Variants in CDC14A observed in about 807,000 individuals in gnomAD.
The protein encoded by CDC14A is dual specificity protein phosphatase CDC14A.
A neutral mutation model predicts 74.4 loss-of-function variants in CDC14A; 53 were observed. The ratio of observed to expected loss-of-function variants is 0.71; its 90% CI spans 0.57 to 0.89. CDC14A has a LOEUF of 0.89. Ranked by LOEUF, CDC14A falls within the 40% of genes least tolerant of loss-of-function variation. The probability of loss-of-function intolerance (pLI) is 0.00; values close to 1 mark genes in which losing one functional copy is unlikely to be tolerated. For missense variants in CDC14A, 646 were observed against 713.7 expected (o/e 0.91, Z 1.08); for synonymous variants, 247 against 258.4 (o/e 0.96, Z 0.43).
At chr1:100,380,887 G>T (rs529963698) in intron 3 of CDC14A, among the ~76,000 whole-genome samples, 1 of 152,164 alleles carries the variant, frequency 6.6e-6, no homozygotes, top group Non-Finnish European at 1.5e-5. Context: ...CTTACCCTCT[G>T]GCTTGATAGC....
chr1:100,469,407 AT>A (rs1668168672), intron 10 of CDC14A, among the ~76,000 whole-genome samples: 1 of 152,136 alleles, frequency 6.6e-6, no homozygotes, highest in Admixed American at 6.5e-5. Context: ...AAAGACAGGA[AT>A]TTCTCTCTTT....
intron 4 of CDC14A, among the ~76,000 whole-genome samples, chr1:100,415,765 CTGACTT>C (rs1417108561): frequency 6.6e-6 from 1 of 152,174 alleles, no homozygotes; most frequent in African/African-American, 2.4e-5. Context: ...TGTAATCAGA[CTGACTT>C]TCCTAATTCA....
At chr1:100,470,036 G>T (rs1668237172) in intron 10 of CDC14A, among the ~76,000 whole-genome samples, 1 of 152,138 alleles carries the variant, frequency 6.6e-6, no homozygotes, top group Non-Finnish European at 1.5e-5. Flanking sequence ...CCTCCAAAAT[G>T]ATATACAGAT....
intron 7 of CDC14A, among the ~76,000 whole-genome samples, chr1:100,447,751 A>T (rs1665714799): frequency 6.6e-6 from 1 of 152,206 alleles, no homozygotes; most frequent in Non-Finnish European, 1.5e-5. Context: ...ATGCTAGTGT[A>T]GGCTGATACT....
At chr1:100,492,745 T>C (rs1364406575) in intron 11 of CDC14A, among the ~76,000 whole-genome samples, 2 of 152,194 alleles carry the variant, frequency 1.3e-5, no homozygotes, top group African/African-American at 2.4e-5. Flanking sequence ...TTTAAATTTT[T>C]TCAAAATTTC....
intron 5 of CDC14A, among the ~76,000 whole-genome samples, chr1:100,430,360 T>A (rs1446885760): frequency 6.6e-6 from 1 of 152,224 alleles, no homozygotes; most frequent in Admixed American, 6.5e-5. Flanking sequence ...TTTTATGACA[T>A]CTGTCATTAA....
At chr1:100,360,236 G>C (rs1351539037) in intron 2 of CDC14A, among the ~76,000 whole-genome samples, 2 of 151,550 alleles carry the variant, frequency 1.3e-5, no homozygotes, top group Non-Finnish European at 2.9e-5. Context: ...ACAGGCATGA[G>C]CCACTGTGCC....
intron 1 of CDC14A, 112 bp from the exon 2 acceptor site, chr1:100,353,650 C>A: frequency 1.6e-6 from 1 of 635,786 alleles, no homozygotes; most frequent in Non-Finnish European, 2.8e-6. Flanking sequence ...TGCAAGAATT[C>A]CACGTGTTAA....
intron 15 of CDC14A, among the ~76,000 whole-genome samples, chr1:100,515,892 C>T (rs1571371785): frequency 6.6e-6 from 1 of 152,176 alleles, no homozygotes; most frequent in African/African-American, 2.4e-5. Context: ...TTAATAGATA[C>T]AACTTATGTT....
At chr1:100,365,189 C>G (rs1038181112) in intron 2 of CDC14A, among the ~76,000 whole-genome samples, 14 of 152,200 alleles carry the variant, frequency 9.2e-5, no homozygotes, top group Non-Finnish European at 8.8e-5. Flanking sequence ...GCTTTGTAGT[C>G]TGTGGGTTTG....
intron 8 of CDC14A, among the ~76,000 whole-genome samples, chr1:100,458,934 G>A (rs185703743): frequency 6.6e-6 from 1 of 151,214 alleles, no homozygotes; most frequent in East Asian, 1.9e-4. Flanking sequence ...ACATTGTTTT[G>A]ACAGTGGGGA....
chr1:100,467,881 A>G, intron 9 of CDC14A, 75 bp from the exon 10 acceptor site: 1 of 1,399,490 alleles, frequency 7.1e-7, no homozygotes, highest in Non-Finnish European at 9.6e-7. Flanking sequence ...GTTTCTGGGC[A>G]AGGTTTGATT....
chr1:100,379,942 C>T (rs1259253689), intron 3 of CDC14A, among the ~76,000 whole-genome samples: 2 of 152,186 alleles, frequency 1.3e-5, no homozygotes, highest in South Asian at 2.1e-4. Context: ...AGAATGGCAC[C>T]GAGCCGTTCA....
chr1:100,462,853 C>T lies in CDC14A; in HGVS notation c.810C>T (p.Thr270=), dbSNP rs376096146. Residue 270 remains threonine, a synonymous_variant, in exon 9 of 16, where the codon ACC becomes ACT. Coordinates refer to ENST00000336454, the MANE Select transcript of CDC14A (RefSeq NM_003672.4). ...VRRFLNICEN[T]EGAIAVHCKA... is the part of the protein sequence containing the mutation. The stretch of plus-strand genomic sequence containing the variant: ...GGTTCCTGAACATCTGTGAGAACAC[C>T]GAAGGGGCCATCGCCGTTCACTGCA... The T allele has an allele frequency of 2.2e-4, 348 of 1,613,710 alleles. No homozygotes were observed. Among genetic ancestry groups the T allele is most frequent in the South Asian group, 6.3e-4 (57 of 91,056 alleles).
intron 10 of CDC14A, among the ~76,000 whole-genome samples, chr1:100,469,488 C>T (rs1668179514): frequency 6.6e-6 from 1 of 152,144 alleles, no homozygotes; most frequent in Non-Finnish European, 1.5e-5. Flanking sequence ...TTCTCATTGT[C>T]TTCCTCTATT....
intron 2 of CDC14A, among the ~76,000 whole-genome samples, chr1:100,362,017 G>T (rs1433919080): frequency 2.0e-5 from 3 of 152,140 alleles, no homozygotes; most frequent in Admixed American, 6.5e-5. Flanking sequence ...TTTCTGGCTT[G>T]GGTGACTGGG....
At chr1:100,353,151 C>A in intron 1 of CDC14A, 148 bp downstream of exon 1, 1 of 812,566 alleles carries the variant, frequency 1.2e-6, no homozygotes, top group Non-Finnish European at 2.1e-6. Flanking sequence ...CTCCTTTCTC[C>A]GAGGACCCCC....
intron 5 of CDC14A, among the ~76,000 whole-genome samples, chr1:100,437,549 A>G (rs967883422): frequency 6.6e-6 from 1 of 152,196 alleles, no homozygotes; most frequent in African/African-American, 2.4e-5. Flanking sequence ...TTCAATTTGT[A>G]AACTTCTCTG....
chr1:100,369,350 G>A (rs750993304), intron 2 of CDC14A, among the ~76,000 whole-genome samples: 2 of 152,020 alleles, frequency 1.3e-5, no homozygotes, highest in African/African-American at 2.4e-5. Flanking sequence ...CTCGTGATCC[G>A]CCCACCTTGG....
Sources: gnomAD v4.1 joint callset for allele counts (sites outside exome capture counted in the v4.1 genomes callset) on GRCh38, gnomAD v4.1.1 for gene constraint, MANE v1.5 for transcripts, NCBI Gene and HGNC (gene_info 2026-07-23, HGNC 2026-07-21) for gene names.